WDPCP: variants seen among roughly 807,000 people sequenced by gnomAD.
WDPCP encodes WD repeat containing planar cell polarity effector.
In WDPCP, 71 loss-of-function variants were observed where a neutral mutation model predicts 93.1. The ratio of observed to expected loss-of-function variants is 0.76; its 90% confidence interval spans 0.63 to 0.93. The LOEUF is 0.93. Ranked by LOEUF, WDPCP falls within the 40% of genes least tolerant of loss-of-function variation. The pLI, the probability that WDPCP is intolerant of heterozygous loss-of-function variation, is 0.00. For missense variants in WDPCP, 844 were observed against 887.4 expected (o/e 0.95, Z 0.62); for synonymous variants, 315 against 315.0 (o/e 1.00, Z 0.00).
At chr2:63,494,287 T>TGATGATGATGATGACGACGAC (rs1553411029) in intron 1 of WDPCP, among the ~76,000 whole-genome samples, 2 of 150,334 alleles carry the variant, frequency 1.3e-5, no homozygotes, top group African/African-American at 2.5e-5. Context: ...ATGATGATGA[T>TGATGATGATGATGACGACGAC]GACGACGACG....
At chr2:63,603,221 G>T (rs1182473109) in intron 3 of WDPCP, among the ~76,000 whole-genome samples, 1 of 152,114 alleles carries the variant, frequency 6.6e-6, no homozygotes, top group Non-Finnish European at 1.5e-5. Flanking sequence ...CTCCCAAAGT[G>T]CTGGGATTAT....
chr2:63,467,961 C>T (rs1699455727), intron 6 of WDPCP, among the ~76,000 whole-genome samples: 1 of 152,104 alleles, frequency 6.6e-6, no homozygotes, highest in Admixed American at 6.5e-5. Context: ...CCACTCAGAA[C>T]TCCTTCAAGA....
chr2:63,791,938 T>C (rs541961428), intron 2 of WDPCP, among the ~76,000 whole-genome samples: 1 of 152,324 alleles, frequency 6.6e-6, no homozygotes, highest in African/African-American at 2.4e-5. Flanking sequence ...ATGTAAACGC[T>C]GCTTAAATCA....
chr2:63,223,372 C>T (rs1185532291), intron 14 of WDPCP, among the ~76,000 whole-genome samples: 3 of 152,082 alleles, frequency 2.0e-5, no homozygotes, highest in African/African-American at 4.8e-5. Flanking sequence ...GTGAGAATCC[C>T]GAGATAGCAT....
chr2:63,442,524 C>G (rs1697568503), intron 6 of WDPCP: 1 of 152,126 alleles, frequency 6.6e-6, no homozygotes, highest in African/African-American at 2.4e-5. Flanking sequence ...AACAAATATC[C>G]TCACTACGTT....
intron 17 of WDPCP, among the ~76,000 whole-genome samples, chr2:63,136,543 C>A (rs1304056281): frequency 6.6e-6 from 1 of 151,798 alleles, no homozygotes; most frequent in African/African-American, 2.4e-5. Context: ...AACAAATATT[C>A]TTTTTTTTAA....
chr2:63,514,758 C>G (rs1367508154), intron 1 of WDPCP, among the ~76,000 whole-genome samples: 1 of 152,146 alleles, frequency 6.6e-6, no homozygotes, highest in Admixed American at 6.5e-5. Context: ...GGAGCCAACC[C>G]TGCAATTGAA....
intron 1 of WDPCP, among the ~76,000 whole-genome samples, chr2:63,512,663 G>C (rs1702307901): frequency 6.6e-6 from 1 of 152,088 alleles, no homozygotes; most frequent in South Asian, 2.1e-4. Context: ...AACACCTCAT[G>C]TTCTCACTCG....
intron 2 of WDPCP, among the ~76,000 whole-genome samples, chr2:63,792,872 C>G (rs1206832621): frequency 6.6e-6 from 1 of 151,456 alleles, no homozygotes; most frequent in Non-Finnish European, 1.5e-5. Context: ...AAAAAAAAAT[C>G]ACTCCAAAGG....
chr2:63,454,614 G>A (rs1698500345), intron 6 of WDPCP, among the ~76,000 whole-genome samples: 1 of 152,154 alleles, frequency 6.6e-6, no homozygotes, highest in African/African-American at 2.4e-5. Context: ...TCCTGAAGGT[G>A]TGGAGATAAT....
At chr2:63,220,546 T>C (rs995525666) in intron 14 of WDPCP, among the ~76,000 whole-genome samples, 2 of 150,062 alleles carry the variant, frequency 1.3e-5, no homozygotes, top group African/African-American at 2.5e-5. Flanking sequence ...TCTGAGTCGT[T>C]GTAGTTTTTT....
intron 9 of WDPCP, among the ~76,000 whole-genome samples, chr2:63,409,126 A>G (rs1219079460): frequency 6.6e-6 from 1 of 152,230 alleles, no homozygotes; most frequent in Non-Finnish European, 1.5e-5. Context: ...ACCAAAGCTA[A>G]GAACCCTCAC....
chr2:63,210,799 G>A (rs772649828), intron 14 of WDPCP, among the ~76,000 whole-genome samples: 1 of 152,228 alleles, frequency 6.6e-6, no homozygotes, highest in Admixed American at 6.5e-5. Context: ...TGGCACACCA[G>A]GAGATTATAT....
chr2:63,251,381 A>G (rs1254798830), intron 14 of WDPCP, among the ~76,000 whole-genome samples: 1 of 152,124 alleles, frequency 6.6e-6, no homozygotes, highest in Non-Finnish European at 1.5e-5. Flanking sequence ...AAATAGATAA[A>G]TTCCTGGAAA....
intron 1 of WDPCP, among the ~76,000 whole-genome samples, chr2:63,554,574 A>G (rs1705932725): frequency 1.3e-5 from 2 of 151,900 alleles, no homozygotes; most frequent in Admixed American, 1.3e-4. Flanking sequence ...AATCACTTGA[A>G]CCCAGGAGGC....
Position 63,404,120 on chromosome 2 carries a change from C to T in WDPCP, c.1363G>A (p.Gly455Ser). The change falls in exon 10 of 18, where the codon GGT (glycine) becomes AGT (serine). Residue 455 changes from glycine to serine, a missense_variant. Gly to Ser is a moderately conservative substitution (Grantham distance 56, BLOSUM62 0). Coordinates refer to ENST00000272321, the MANE Select transcript of WDPCP (RefSeq NM_015910.7). ...APQVVSQKGE[G>S]SDIYDLLFLR... ...AAGAGGAGATCATAGATATCACTAC[C>T]TTCACCCTTCTGAGAAACAACCTGA... 1 of 1,614,114 alleles carries T rather than the reference C, an allele frequency of 6.2e-7. No individual in the cohort carries two copies. The highest frequency in any genetic ancestry group is 8.5e-7 in the Non-Finnish European group (1 of 1,180,012).
chr2:63,597,052 A>C (rs994584843), intron 3 of WDPCP, among the ~76,000 whole-genome samples: 3 of 152,240 alleles, frequency 2.0e-5, no homozygotes, highest in Non-Finnish European at 4.4e-5. Flanking sequence ...GGTTAGGTGA[A>C]TTAGTTGCTC....
intron 1 of WDPCP, among the ~76,000 whole-genome samples, chr2:63,566,738 G>C (rs1234155672): frequency 3.3e-5 from 5 of 152,156 alleles, no homozygotes; most frequent in Non-Finnish European, 5.9e-5. Context: ...AGACTCTACA[G>C]GTTTAAGAGC....
At chr2:63,364,327 A>G (rs922685246) in intron 12 of WDPCP, among the ~76,000 whole-genome samples, 6 of 152,178 alleles carry the variant, frequency 3.9e-5, no homozygotes, top group African/African-American at 1.4e-4. Context: ...CTCGGGTCAC[A>G]CTTCTAGATT....
Sources: allele counts gnomAD v4.1 joint callset (sites outside exome capture counted in the v4.1 genomes callset), GRCh38; gene constraint gnomAD v4.1.1; transcripts MANE v1.5; gene names NCBI Gene and HGNC (gene_info 2026-07-23, HGNC 2026-07-21).